The following CADM2 variants were observed in gnomAD, a reference collection of about 807,000 sequenced individuals.
The protein encoded by CADM2 is cell adhesion molecule 2.
Under a neutral mutation model 49.8 loss-of-function variants are expected in CADM2, and 12 were observed. The ratio of observed to expected loss-of-function variants is 0.24; its 90% confidence interval spans 0.15 to 0.39. The LOEUF (loss-of-function observed/expected upper bound fraction) is 0.39. CADM2 is among the 10% of genes least tolerant of loss of function. CADM2 has a pLI of 1.00. For synonymous variants in CADM2, 214 were observed against 175.4 expected (o/e 1.22, Z -1.74); for missense variants, 378 against 492.3 (o/e 0.77, Z 2.20).
chr3:86,026,361 G>A (rs1449476270), intron 8 of CADM2, among the ~76,000 whole-genome samples: 1 of 147,952 alleles, frequency 6.8e-6, no homozygotes, highest in African/African-American at 2.5e-5. Flanking sequence ...GTTTTTTTTT[G>A]GCCTTATGAC....
intron 8 of CADM2, among the ~76,000 whole-genome samples, chr3:85,990,742 T>G (rs1038721719): frequency 1.3e-5 from 2 of 152,186 alleles, no homozygotes; most frequent in African/African-American, 2.4e-5. Context: ...TGTTCTTTTG[T>G]GAATATCAAT....
intron 8 of CADM2, among the ~76,000 whole-genome samples, chr3:86,005,039 T>C (rs1035191065): frequency 1.3e-5 from 2 of 152,144 alleles, no homozygotes; most frequent in African/African-American, 4.8e-5. Context: ...GCAAGAGTCA[T>C]GTCTTGCTCC....
chr3:85,486,781 C>T (rs752761061), intron 1 of CADM2, among the ~76,000 whole-genome samples: 2 of 151,994 alleles, frequency 1.3e-5, no homozygotes, highest in East Asian at 1.9e-4. Flanking sequence ...AATCTAGATA[C>T]CTTACTGAAT....
chr3:85,036,089 A>G (rs1167133969), intron 1 of CADM2, among the ~76,000 whole-genome samples: 2 of 152,162 alleles, frequency 1.3e-5, no homozygotes, highest in Non-Finnish European at 2.9e-5. Context: ...TAAGTAAAGG[A>G]CATATAAGAA....
intron 8 of CADM2, chr3:85,979,398 T>G: frequency 2.5e-6 from 3 of 1,194,460 alleles, no homozygotes; most frequent in Non-Finnish European, 3.5e-6. Context: ...GAGAAGTAAT[T>G]AAGTCACCTA....
intron 1 of CADM2, among the ~76,000 whole-genome samples, chr3:85,330,972 ACAAT>A (rs2044905713): frequency 6.6e-6 from 1 of 152,126 alleles, no homozygotes; most frequent in South Asian, 2.1e-4. Flanking sequence ...AAAAATAATA[ACAAT>A]CACTTTTTTA....
intron 5 of CADM2, among the ~76,000 whole-genome samples, chr3:85,889,574 G>A (rs1335524789): frequency 1.3e-5 from 2 of 152,176 alleles, no homozygotes; most frequent in Admixed American, 1.3e-4. Flanking sequence ...CTGTCTCTGA[G>A]CTTTCTTTTT....
chr3:85,398,986 G>C (rs1038148316), intron 1 of CADM2, among the ~76,000 whole-genome samples: 5 of 151,980 alleles, frequency 3.3e-5, no homozygotes, highest in Non-Finnish European at 7.4e-5. Context: ...TCTTTTGCTG[G>C]CCAGAAGCTC....
At chr3:85,038,376 G>A (rs527737737) in intron 1 of CADM2, among the ~76,000 whole-genome samples, 3 of 152,246 alleles carry the variant, frequency 2.0e-5, no homozygotes, top group African/African-American at 7.2e-5. Context: ...AATATAACAA[G>A]CACTTAATAC....
At chr3:85,304,107 A>G (rs999839600) in intron 1 of CADM2, among the ~76,000 whole-genome samples, 8 of 151,782 alleles carry the variant, frequency 5.3e-5, no homozygotes, top group African/African-American at 9.7e-5. Flanking sequence ...ACTCTTGACT[A>G]TTTCTGGTTT....
chr3:85,581,193 T>C (rs1169850512), intron 1 of CADM2, among the ~76,000 whole-genome samples: 1 of 152,148 alleles, frequency 6.6e-6, no homozygotes, highest in Non-Finnish European at 1.5e-5. Flanking sequence ...ATTTGAATGT[T>C]CTTTTAAAAC....
intron 1 of CADM2, among the ~76,000 whole-genome samples, chr3:85,632,333 A>T (rs1350151437): frequency 6.6e-6 from 1 of 151,990 alleles, no homozygotes; most frequent in African/African-American, 2.4e-5. Flanking sequence ...TCTCCATTAG[A>T]CCTCTTTCCT....
intron 1 of CADM2, among the ~76,000 whole-genome samples, chr3:85,339,681 G>T (rs765942236): frequency 1.3e-5 from 2 of 151,246 alleles, no homozygotes; most frequent in Non-Finnish European, 3.0e-5. Flanking sequence ...GTATCTGTAG[G>T]CCATGCTAAC....
intron 1 of CADM2, among the ~76,000 whole-genome samples, chr3:85,442,596 A>G (rs1189174610): frequency 6.0e-5 from 1 of 16,648 alleles, no homozygotes; most frequent in Non-Finnish European, 7.4e-4. Context: ...GAGTATATAT[A>G]TATATATATA....
chr3:85,357,941 G>A (rs959392976), intron 1 of CADM2, among the ~76,000 whole-genome samples: 5 of 152,072 alleles, frequency 3.3e-5, no homozygotes, highest in African/African-American at 1.2e-4. Flanking sequence ...GAGAATCATG[G>A]CCGTAGGTGG....
At chr3:84,991,552 A>G (rs1181793654) in intron 1 of CADM2, among the ~76,000 whole-genome samples, 1 of 152,190 alleles carries the variant, frequency 6.6e-6, no homozygotes, top group Non-Finnish European at 1.5e-5. Flanking sequence ...CAAAATCCAG[A>G]ACACTGACAA....
chr3:85,854,180 C>A (rs1246745074), intron 3 of CADM2, among the ~76,000 whole-genome samples: 1 of 152,134 alleles, frequency 6.6e-6, no homozygotes, highest in East Asian at 1.9e-4. Flanking sequence ...AGATAGCAGA[C>A]TGGAATTCTT....
chr3:84,963,271 T>C (rs1294052706), intron 1 of CADM2, among the ~76,000 whole-genome samples: 10 of 152,210 alleles, frequency 6.6e-5, no homozygotes. Flanking sequence ...GCTTGCCACC[T>C]GTAACTAAGT....
At chr3:85,652,470 C>G (rs1055897597) in intron 1 of CADM2, among the ~76,000 whole-genome samples, 1 of 152,200 alleles carries the variant, frequency 6.6e-6, no homozygotes, top group African/African-American at 2.4e-5. Flanking sequence ...TGATCAGGTA[C>G]AGTCATCTCA....
Sources: allele counts gnomAD v4.1 joint callset (sites outside exome capture counted in the v4.1 genomes callset), GRCh38; gene constraint gnomAD v4.1.1; transcripts MANE v1.5; gene names NCBI Gene and HGNC (gene_info 2026-07-23, HGNC 2026-07-21).